The following ITGA1 variants were observed in gnomAD, a reference collection of about 807,000 sequenced individuals.
The protein encoded by ITGA1 is integrin subunit alpha 1.
ITGA1 carries 85 observed loss-of-function variants against 145.9 expected under a neutral mutation model. That is an observed-to-expected ratio of 0.58 (90% CI 0.49 to 0.70). The LOEUF is 0.70. Ranked by LOEUF, ITGA1 falls within the 30% of genes least tolerant of loss-of-function variation. The pLI, the probability that ITGA1 is intolerant of heterozygous loss-of-function variation, is 0.00. For missense variants in ITGA1, 1,351 were observed against 1,418.7 expected, an observed-to-expected ratio of 0.95 and a Z score of 0.77; for synonymous variants, 520 against 495.3, an observed-to-expected ratio of 1.05 and a Z score of -0.66.
chr5:52,805,048 G>A (rs1403196619), intron 1 of ITGA1, among the ~76,000 whole-genome samples: 1 of 152,126 alleles, frequency 6.6e-6, no homozygotes, highest in Non-Finnish European at 1.5e-5. Flanking sequence ...GCAAATCACT[G>A]TTAGAAGTAA....
Position 52,898,329 on chromosome 5 carries a change from A to C in ITGA1, c.1255A>C (p.Thr419Pro), listed in dbSNP as rs767235854. The change falls in exon 11 of 29, where the codon ACA becomes CCA. Residue 419 changes from threonine (T) to proline (P), a missense_variant. Transcript: ENST00000282588. ...KASQIIIPRN[T>P]TFNVESTKKN... The stretch of plus-strand genomic sequence containing the variant: ...TAGTCAAATCATAATCCCTCGAAAC[A>C]CAACCTTTAATGTTGAGTCTACCAA... 10 of 1,611,332 alleles carry C rather than the reference A, an allele frequency of 6.2e-6. No homozygotes were observed. The highest frequency in any genetic ancestry group is 8.5e-6 in the Non-Finnish European group (10 of 1,178,168).
At chr5:52,800,156 G>A (rs1287257926) in intron 1 of ITGA1, 1 of 552,956 alleles carries the variant, frequency 1.8e-6, no homozygotes, top group South Asian at 2.0e-5. Flanking sequence ...GATTTTCGCT[G>A]CAGTGTTCCC....
rs191684529 is a variant in ITGA1 at position 52,942,623 on chromosome 5, C to T, written c.3286-2320C>T. Among the ~76,000 whole-genome samples the T allele has an allele frequency of 2.8e-3, 430 of 151,690 alleles. 3 individuals are homozygous for T. Among genetic ancestry groups the T allele is most frequent in the African/African-American group, 8.8e-3 (366 of 41,390 alleles). On this transcript the variant is annotated intron_variant, in intron 26 of 28. Coordinates refer to ENST00000282588, the MANE Select transcript of ITGA1 (RefSeq NM_181501.2). ...TTGGCTCACTGCAAGCTCCGCCTCC[C>T]GGGTTCACGCCATTCTCTTGACTCA...
chr5:52,944,981 A>C lies in ITGA1; in HGVS notation c.3324A>C (p.Glu1108Asp), dbSNP rs1447925537. The part of the protein sequence containing the change: ...FSSLNLTIRG[E>D]LRSENASLVL... ...GCTTAAATCTTACTATAAGGGGAGA[A>C]CTTCGGAGTGAAAATGCATCTCTGG... is the stretch of plus-strand genomic sequence containing the variant. The change falls in exon 27 of 29, where the codon GAA becomes GAC. Residue 1108 changes from glutamate (E) to aspartate (D), a missense_variant. By Grantham distance (45) the Glu-to-Asp change is conservative. Coordinates refer to ENST00000282588, the MANE Select transcript of ITGA1 (RefSeq NM_181501.2). The C allele has an allele frequency of 1.2e-6, 2 of 1,613,392 alleles. No individual in the cohort carries two copies. Among genetic ancestry groups the C allele is most frequent in the Non-Finnish European group, 1.7e-6 (2 of 1,179,694 alleles).
intron 1 of ITGA1, among the ~76,000 whole-genome samples, chr5:52,798,311 A>G (rs1187214244): frequency 6.6e-6 from 1 of 152,126 alleles, no homozygotes; most frequent in Non-Finnish European, 1.5e-5. Flanking sequence ...CGAGAAACAA[A>G]GAGAAAAGAG....
intron 1 of ITGA1, among the ~76,000 whole-genome samples, chr5:52,808,579 CATTTGATCTGATGACCATAATTT>C (rs1464172437): frequency 2.0e-5 from 3 of 150,808 alleles, no homozygotes; most frequent in Admixed American, 2.0e-4. Flanking sequence ...TGTTTCAGCT[CATTTGATCTGATGACCATAATTT>C]ATAGTTTATT....
At chr5:52,804,052 T>G (rs1037209639) in intron 1 of ITGA1, 11 of 152,220 alleles carry the variant, frequency 7.2e-5, no homozygotes, top group Admixed American at 6.5e-4. Flanking sequence ...TTACATTTTC[T>G]GTTATCAAGA....
At chr5:52,853,626 G>C (rs1378572868) in intron 2 of ITGA1, among the ~76,000 whole-genome samples, 1 of 152,144 alleles carries the variant, frequency 6.6e-6, no homozygotes, top group South Asian at 2.1e-4. Context: ...AATATAAGTT[G>C]ACAGAAAAGG....
Position 52,933,939 on chromosome 5 carries a change from C to T in ITGA1, c.2907C>T (p.Val969=). 3.9e-6 allele frequency: 6 copies of T among 1,531,740 alleles called. No individual in the cohort carries two copies. Among genetic ancestry groups the T allele is most frequent in the Non-Finnish European group, 5.3e-6 (6 of 1,134,524 alleles). The allele number at this position is 1,531,740 out of a possible 1,614,324, so 94.9% of individuals were successfully genotyped here. A position where few individuals can be genotyped will look rare whatever the true frequency, so the allele number is the denominator to read the frequency against. Residue 969 remains valine, a synonymous_variant, in exon 23 of 29, where the codon GTC becomes GTT. Transcript: ENST00000282588. ...TTTCAATTGCTGCCAATGAGACAGT[C>T]CCTGAAGTTATTAATTCTACTGAGG... ...YHISIAANET[V]PEVINSTEDI...
rs192361092 is a variant in ITGA1, at chr5:52,918,522, G to T, written c.1989-210G>T. 4.9e-4 allele frequency among the ~76,000 whole-genome samples: 75 copies of T among 152,230 alleles called. 1 individual carries two copies. The highest frequency in any genetic ancestry group is 2.6e-4 in the Non-Finnish European group (18 of 68,004). ...TAGATCTTTGGTGTTTGAACCAAAA[G>T]CCCCAAATGGTTTCCAAATATAACC... On this transcript the variant is annotated intron_variant, in intron 15 of 28. Coordinates refer to ENST00000282588, the MANE Select transcript of ITGA1 (RefSeq NM_181501.2).
In ITGA1 at chr5:52,890,980, T is replaced by G. The variant is rs2111820123; in HGVS notation, c.925-2695T>G. ...CATTTGAGTGAGAACGTAGTGATAT[T>G]TGTCCTTCAGTGCTTGGCTTATTTC... On this transcript the variant is annotated intron_variant, in intron 8 of 28. Transcript: ENST00000282588. Among the ~76,000 whole-genome samples, 3 of 152,336 alleles carry G rather than the reference T, an allele frequency of 2.0e-5. No individual in the cohort carries two copies. The Middle Eastern group carries it at 0.01, about 518-fold the overall frequency.
At chr5:52,891,195 G>C (rs1228040564) in intron 8 of ITGA1, among the ~76,000 whole-genome samples, 1 of 151,108 alleles carries the variant, frequency 6.6e-6, no homozygotes, top group Non-Finnish European at 1.5e-5. Flanking sequence ...AAACAGGGGA[G>C]TGCAGATATT....
chr5:52,825,745 C>T (rs1026427930), intron 1 of ITGA1, among the ~76,000 whole-genome samples: 1 of 152,026 alleles, frequency 6.6e-6, no homozygotes, highest in Non-Finnish European at 1.5e-5. Flanking sequence ...TGGTGAAACC[C>T]CGTCTCTACT....
intron 13 of ITGA1, among the ~76,000 whole-genome samples, chr5:52,909,513 T>A (rs2111847793): frequency 6.6e-6 from 1 of 152,302 alleles, no homozygotes; most frequent in South Asian, 2.1e-4. Context: ...TAGACATCAT[T>A]TTTTAAGTTA....
intron 14 of ITGA1, among the ~76,000 whole-genome samples, chr5:52,912,734 G>A (rs1323453777): frequency 8.1e-5 from 11 of 136,110 alleles, no homozygotes; most frequent in African/African-American, 3.6e-4. Context: ...GTGTGTGTGT[G>A]TGTGTGTATA....
intron 12 of ITGA1, among the ~76,000 whole-genome samples, chr5:52,907,060 C>G (rs1750421109): frequency 6.6e-6 from 1 of 152,204 alleles, no homozygotes; most frequent in Non-Finnish European, 1.5e-5. Flanking sequence ...TAGTTCCACA[C>G]AGCCTGAATA....
At chr5:52,839,007 G>A (rs2406222) in intron 1 of ITGA1, among the ~76,000 whole-genome samples, 5 of 152,114 alleles carry the variant, frequency 3.3e-5, no homozygotes, top group Non-Finnish European at 7.3e-5. Context: ...TGAGGTGGAA[G>A]AATCACTTGA....
In ITGA1 at chr5:52,898,238, G is replaced by T; in HGVS notation, c.1165-1G>T. On this transcript the variant is annotated splice_acceptor_variant, in intron 10 of 28. Coordinates refer to ENST00000282588, the MANE Select transcript of ITGA1 (RefSeq NM_181501.2). LOFTEE classifies it high-confidence loss of function. Reference sequence around the variant, plus strand: ...TATTATCTTATTTATTTGCATGTAAGGACTGGGTCATGCTTGGAGCAGTAG... The same window carrying T: ...TATTATCTTATTTATTTGCATGTAATGACTGGGTCATGCTTGGAGCAGTAG... 1 of 1,545,976 alleles carries T rather than the reference G, an allele frequency of 6.5e-7. No individual in the cohort carries two copies. The highest frequency in any genetic ancestry group is 1.3e-5 in the South Asian group (1 of 78,620).
intron 1 of ITGA1, among the ~76,000 whole-genome samples, chr5:52,848,825 G>T (rs555377351): frequency 1.3e-5 from 2 of 151,476 alleles, no homozygotes; most frequent in African/African-American, 4.9e-5. Context: ...AGAACATGCG[G>T]TGTTTGGTTT....
Sources: allele counts gnomAD v4.1 joint callset (sites outside exome capture counted in the v4.1 genomes callset), GRCh38; gene constraint gnomAD v4.1.1; transcripts MANE v1.5; gene names NCBI Gene and HGNC (gene_info 2026-07-23, HGNC 2026-07-21).